MTUS2: variants seen among roughly 807,000 people sequenced by gnomAD.
MTUS2 encodes the protein microtubule-associated tumor suppressor candidate 2.
MTUS2 carries 40 observed loss-of-function variants against 114.1 expected under a neutral mutation model. The observed-to-expected ratio is 0.35, with a 90% CI of 0.27 to 0.46. The LOEUF (loss-of-function observed/expected upper bound fraction) is 0.46. Among genes scored for constraint, MTUS2 ranks in the 20% least tolerant of loss-of-function variants. The pLI is 1.00. For missense variants in MTUS2, 1,679 were observed against 1,705.4 expected (o/e 0.98, Z 0.27); for synonymous variants, 688 against 672.0 (o/e 1.02, Z -0.37).
chr13:28,870,684 T>C (rs1367376502), intron 2 of MTUS2, among the ~76,000 whole-genome samples: 6 of 152,196 alleles, frequency 3.9e-5, no homozygotes, highest in Non-Finnish European at 8.8e-5. Flanking sequence ...AGAGACTAAC[T>C]TGGATAGTCT....
rs532711270 is a variant in MTUS2 at position 28,900,211 on chromosome 13, GTTTTTC to G, written c.-243+60366_-243+60371del. ...CCCCAGTTAAACTCTTTTGGCTAAA[GTTTTTC>G]TTTTAACAACGATTACAATATTGGC... On this transcript the variant is annotated intron_variant, in intron 2 of 15. Coordinates refer to ENST00000612955, the MANE Select transcript of MTUS2 (RefSeq NM_001033602.4). Among the ~76,000 whole-genome samples, 126 of 152,308 alleles carry G rather than the reference GTTTTTC, an allele frequency of 8.3e-4. 1 individual carries two copies. The highest frequency in any genetic ancestry group is 1.6e-3 in the Non-Finnish European group (107 of 68,028).
At chr13:29,471,357 T>A (rs551275493) in intron 9 of MTUS2, among the ~76,000 whole-genome samples, 1 of 151,906 alleles carries the variant, frequency 6.6e-6, no homozygotes, top group Non-Finnish European at 1.5e-5. Flanking sequence ...ATAATAATAA[T>A]AAAATAAAAT....
intron 11 of MTUS2, 115 bp from the exon 12 acceptor site, chr13:29,492,531 C>A: frequency 2.8e-6 from 2 of 725,786 alleles, no homozygotes; most frequent in Non-Finnish European, 4.7e-6. Flanking sequence ...CTTGAATCTG[C>A]TATACGGGAG....
intron 2 of MTUS2, among the ~76,000 whole-genome samples, chr13:28,977,209 T>G (rs1884153311): frequency 6.6e-6 from 1 of 152,138 alleles, no homozygotes; most frequent in African/African-American, 2.4e-5. Context: ...CACAGTGAAT[T>G]TAAGTATGAT....
intron 5 of MTUS2, among the ~76,000 whole-genome samples, chr13:29,144,541 T>C (rs1200774884): frequency 6.6e-6 from 1 of 152,114 alleles, no homozygotes; most frequent in South Asian, 2.1e-4. Context: ...AGAATCCATT[T>C]TTTATGGTCA....
At chr13:29,351,624 G>A (rs1458556452) in intron 7 of MTUS2, among the ~76,000 whole-genome samples, 2 of 151,298 alleles carry the variant, frequency 1.3e-5, no homozygotes, top group African/African-American at 4.9e-5. Flanking sequence ...GTTTTTTTGA[G>A]ACAGGGTCTC....
At chr13:29,334,502 T>G (rs1900950956) in intron 7 of MTUS2, among the ~76,000 whole-genome samples, 1 of 152,116 alleles carries the variant, frequency 6.6e-6, no homozygotes, top group Non-Finnish European at 1.5e-5. Context: ...TGGAAAATAT[T>G]TTCTTTAAGC....
chr13:29,115,773 G>C (rs775061500), intron 5 of MTUS2, among the ~76,000 whole-genome samples: 1 of 152,222 alleles, frequency 6.6e-6, no homozygotes, highest in East Asian at 1.9e-4. Flanking sequence ...CTGGGTGGCC[G>C]TAGGCAAGCT....
intron 5 of MTUS2, among the ~76,000 whole-genome samples, chr13:29,202,913 GC>G (rs1457866475): frequency 1.3e-5 from 2 of 152,192 alleles, no homozygotes; most frequent in East Asian, 3.9e-4. Context: ...CCAGATGCCA[GC>G]CGGAGCTCTC....
chr13:29,105,358 A>G (rs1384050727), intron 5 of MTUS2, among the ~76,000 whole-genome samples: 1 of 152,218 alleles, frequency 6.6e-6, no homozygotes, highest in Non-Finnish European at 1.5e-5. Flanking sequence ...TAAATTAATC[A>G]TTAATGAAAA....
In MTUS2 at chr13:29,122,271, T is replaced by C. The variant is rs377664513; in HGVS notation, c.2644+21301T>C. 1.6e-4 allele frequency among the ~76,000 whole-genome samples: 24 copies of C among 152,260 alleles called. No individual in the cohort carries two copies. The East Asian group carries it at 4.3e-3, about 27-fold the overall frequency. ...GTGGAAATGATGCTGTATTAGTCTG[T>C]TCTCATGCTGCTATGAAGAAATACC... On this transcript the variant is annotated intron_variant, in intron 5 of 15. Coordinates refer to ENST00000612955, the MANE Select transcript of MTUS2 (RefSeq NM_001033602.4).
chr13:29,061,840 C>G (rs1888434480), intron 4 of MTUS2, among the ~76,000 whole-genome samples: 3 of 152,116 alleles, frequency 2.0e-5, no homozygotes, highest in African/African-American at 7.2e-5. Flanking sequence ...TAAGTTAATT[C>G]TTCATGTGTG....
intron 6 of MTUS2, among the ~76,000 whole-genome samples, chr13:29,310,630 G>T (rs4384464): frequency 0.65 from 98,687 of 152,060 alleles, 32,408 homozygotes; most frequent in Middle Eastern, 0.76. Context: ...TAGCCAATAA[G>T]CATATTTAAA....
chr13:29,216,087 G>A (rs572117731), intron 5 of MTUS2, among the ~76,000 whole-genome samples: 24 of 152,204 alleles, frequency 1.6e-4, no homozygotes, highest in Admixed American at 3.3e-4. Flanking sequence ...CAGTGAGGAG[G>A]AATCTAGAGA....
chr13:28,987,541 A>G (rs757365241), intron 2 of MTUS2, among the ~76,000 whole-genome samples: 5 of 152,256 alleles, frequency 3.3e-5, no homozygotes, highest in Admixed American at 6.5e-5. Flanking sequence ...GCTCGACCCT[A>G]TTAATAGACT....
At chr13:29,163,743 G>T (rs1893196761) in intron 5 of MTUS2, among the ~76,000 whole-genome samples, 1 of 152,160 alleles carries the variant, frequency 6.6e-6, no homozygotes, top group South Asian at 2.1e-4. Context: ...GCGCATGTAG[G>T]GATGTGCAGC....
At chr13:29,038,070 G>A (rs1397172140) in intron 4 of MTUS2, among the ~76,000 whole-genome samples, 1 of 152,150 alleles carries the variant, frequency 6.6e-6, no homozygotes, top group Non-Finnish European at 1.5e-5. Context: ...AAGGAGTTAT[G>A]ATCCTTTGGA....
intron 10 of MTUS2, 62 bp from the exon 11 acceptor site, chr13:29,487,838 G>T: frequency 7.6e-7 from 1 of 1,320,044 alleles, no homozygotes; most frequent in Admixed American, 1.7e-5. Context: ...TCCACTCACG[G>T]AATTCCACTT....
chr13:28,909,151 T>G (rs1880240383), intron 2 of MTUS2, among the ~76,000 whole-genome samples: 1 of 151,582 alleles, frequency 6.6e-6, no homozygotes, highest in Admixed American at 6.6e-5. Context: ...TCTTTTGGCT[T>G]AGGATTGACT....
Sources: gnomAD v4.1 joint callset for allele counts (sites outside exome capture counted in the v4.1 genomes callset) on GRCh38, gnomAD v4.1.1 for gene constraint, MANE v1.5 for transcripts, NCBI Gene and HGNC (gene_info 2026-07-23, HGNC 2026-07-21) for gene names.